Variants in ATP6V0A1 observed in about 807,000 individuals in gnomAD.
ATP6V0A1 encodes ATPase H+ transporting V0 subunit a1.
In ATP6V0A1, 43 loss-of-function variants were observed where a neutral mutation model predicts 105.4. The observed-to-expected ratio is 0.41, with a 90% CI of 0.32 to 0.53. The LOEUF (loss-of-function observed/expected upper bound fraction) is 0.53. Among genes scored for constraint, ATP6V0A1 ranks in the 20% least tolerant of loss-of-function variants. ATP6V0A1 has a pLI of 0.30. For missense variants in ATP6V0A1, 676 were observed against 1,051.1 expected, an observed-to-expected ratio of 0.64 and a Z score of 4.93; for synonymous variants, 362 against 372.8, an observed-to-expected ratio of 0.97 and a Z score of 0.33.
intron 2 of ATP6V0A1, among the ~76,000 whole-genome samples, chr17:42,465,094 T>C (rs894528721): frequency 6.6e-6 from 1 of 151,122 alleles, no homozygotes; most frequent in African/African-American, 2.4e-5. Flanking sequence ...CCAGGTTCAA[T>C]TGATTCTTGT....
At chr17:42,482,778 T>G (rs1280900107) in intron 8 of ATP6V0A1, among the ~76,000 whole-genome samples, 1 of 151,052 alleles carries the variant, frequency 6.6e-6, no homozygotes, top group Admixed American at 6.6e-5. Flanking sequence ...GCGCCTATAA[T>G]CCCAGGTACT....
At chr17:42,510,323 C>A (rs2092290719) in intron 19 of ATP6V0A1, 1 of 152,262 alleles carries the variant, frequency 6.6e-6, no homozygotes, top group Admixed American at 6.5e-5. Context: ...CCTTCAAAGA[C>A]CTCCCAAAGT....
chr17:42,520,168 A>G, intron 21 of ATP6V0A1: 1 of 328,380 alleles, frequency 3.0e-6, no homozygotes, highest in Non-Finnish European at 6.0e-6. Flanking sequence ...AGGGTCACAC[A>G]GCACCATGTG....
At chr17:42,479,330 A>G (rs1239332781) in intron 7 of ATP6V0A1, among the ~76,000 whole-genome samples, 2 of 152,246 alleles carry the variant, frequency 1.3e-5, no homozygotes, top group Admixed American at 6.5e-5. Context: ...AAGGATTAGA[A>G]ACTTAGTTTA....
chr17:42,512,971 T>C (rs2092422995), intron 19 of ATP6V0A1, among the ~76,000 whole-genome samples: 1 of 152,196 alleles, frequency 6.6e-6, no homozygotes, highest in Non-Finnish European at 1.5e-5. Flanking sequence ...GGAAAGTACC[T>C]GGGGCTTCCA....
intron 2 of ATP6V0A1, among the ~76,000 whole-genome samples, chr17:42,461,545 C>T (rs567913209): frequency 7.3e-4 from 111 of 152,132 alleles, no homozygotes; most frequent in Admixed American, 2.6e-3. Flanking sequence ...GAGGCTGAGG[C>T]GGGCGGATCG....
chr17:42,521,541 G>A lies in ATP6V0A1; in HGVS notation c.*421G>A, dbSNP rs1264689414. The A allele has an allele frequency of 6.5e-6, 1 of 154,252 alleles. No homozygotes were observed. The highest frequency in any genetic ancestry group is 6.5e-5 in the Admixed American group (1 of 15,336). 9.6% of individuals were successfully genotyped at this position (154,252 alleles called of 1,614,324 possible). A position where few individuals can be genotyped will look rare whatever the true frequency, so the allele number is the denominator to read the frequency against. On this transcript the variant is annotated 3_prime_UTR_variant, in exon 22 of 22. Coordinates refer to ENST00000343619, the MANE Select transcript of ATP6V0A1 (RefSeq NM_001130021.3). The surrounding 1 kb of genome is among the most constrained non-coding windows in gnomAD (Gnocchi z 4.8). ...CCGTAGTTTCTAGCAGGAGTAGTGG[G>A]GGGAGTAATACAGATTCTTCCCTAG...
At position 42,478,469 on chromosome 17, in the gene ATP6V0A1, G is replaced by A. The variant is rs1203664588; in HGVS notation, c.513G>A (p.Val171=). The A allele has an allele frequency of 6.2e-7, 1 of 1,603,222 alleles. No individual in the cohort carries two copies. Among genetic ancestry groups the A allele is most frequent in the African/African-American group, 1.3e-5 (1 of 74,592 alleles). The change falls in exon 7 of 22, where the codon GTG becomes GTA. Residue 171 remains valine (V), a synonymous_variant. Transcript: ENST00000343619. ...CTGCCTCTTCTCCCCACAGCTTCGT[G>A]GCTGGTGTCATTAACCGGGAGCGCA... The part of the protein sequence containing the change: ...GRGTPLRLGF[V]AGVINRERIP...
intron 19 of ATP6V0A1, among the ~76,000 whole-genome samples, chr17:42,512,496 AG>A (rs2092394405): frequency 6.6e-6 from 1 of 152,182 alleles, no homozygotes; most frequent in African/African-American, 2.4e-5. Flanking sequence ...GTTGGGATTT[AG>A]GGAACTCAGG....
At chr17:42,500,612 G>A (rs2091593402) in intron 15 of ATP6V0A1, 95 bp from the exon 16 acceptor site, 1 of 950,666 alleles carries the variant, frequency 1.1e-6, no homozygotes, top group East Asian at 2.4e-5. Flanking sequence ...GAATTGAGGG[G>A]GTATTAAGTA....
At position 42,514,464 on chromosome 17, in the gene ATP6V0A1, AG is replaced by A; in HGVS notation, c.2420+8del. 6.3e-7 allele frequency: 1 copy of A among 1,585,916 alleles called. No homozygotes were observed. Among genetic ancestry groups the A allele is most frequent in the Non-Finnish European group, 8.6e-7 (1 of 1,165,632 alleles). On this transcript the variant is annotated splice_donor_5th_base_variant and intron_variant, in intron 21 of 21. Coordinates refer to ENST00000343619, the MANE Select transcript of ATP6V0A1 (RefSeq NM_001130021.3). ...TCCACGCACTGCGCTTACACTGGTG[AG>A]GGGCAGTGGGGCAGGGCGGGCATGG...
intron 18 of ATP6V0A1, among the ~76,000 whole-genome samples, 195 bp from the exon 19 acceptor site, chr17:42,508,377 A>T (rs1415631009): frequency 6.6e-6 from 1 of 152,216 alleles, no homozygotes; most frequent in African/African-American, 2.4e-5. Flanking sequence ...GGATGCCTTT[A>T]AAAAATATGT....
chr17:42,466,307 G>C, intron 2 of ATP6V0A1, 122 bp from the exon 3 acceptor site: 1 of 726,206 alleles, frequency 1.4e-6, no homozygotes, highest in Non-Finnish European at 2.3e-6. Context: ...AGACAGTTTT[G>C]ATTAGTGTTG....
chr17:42,513,286 C>T (rs1359929422), intron 19 of ATP6V0A1, among the ~76,000 whole-genome samples: 1 of 152,072 alleles, frequency 6.6e-6, no homozygotes, highest in South Asian at 2.1e-4. Context: ...AAAAATTCAC[C>T]GTGTAATCTC....
At chr17:42,487,440 A>G in intron 10 of ATP6V0A1, 73 bp downstream of exon 10, 2 of 1,526,680 alleles carry the variant, frequency 1.3e-6, no homozygotes, top group Non-Finnish European at 1.8e-6. Flanking sequence ...CATTAATGTC[A>G]TTTTTGGCCG....
At chr17:42,494,818 C>T (rs999377169) in intron 12 of ATP6V0A1, 1 of 515,920 alleles carries the variant, frequency 1.9e-6, no homozygotes, top group East Asian at 3.1e-5. Context: ...GCCAAAACCG[C>T]AGTAACTTTT....
At chr17:42,506,840 C>T (rs981829500) in intron 17 of ATP6V0A1, among the ~76,000 whole-genome samples, 10 of 152,194 alleles carry the variant, frequency 6.6e-5, no homozygotes, top group Admixed American at 4.6e-4. Context: ...GCCCCATCAG[C>T]GTCTGCCCAC....
chr17:42,460,762 G>A (rs918611682), intron 1 of ATP6V0A1, 86 bp from the exon 2 acceptor site: 21 of 698,334 alleles, frequency 3.0e-5, no homozygotes, highest in Admixed American at 4.5e-5. Context: ...TGTTAGAAAT[G>A]TAAATGCAAG....
intron 9 of ATP6V0A1, among the ~76,000 whole-genome samples, chr17:42,485,284 G>C (rs551248107): frequency 6.6e-6 from 1 of 152,270 alleles, no homozygotes; most frequent in East Asian, 1.9e-4. Flanking sequence ...GTGAGTGATA[G>C]GCTATATTAG....
Sources: gnomAD v4.1 joint callset for allele counts (sites outside exome capture counted in the v4.1 genomes callset) on GRCh38, gnomAD v4.1.1 for gene constraint, Gnocchi (gnomAD v3.1) non-coding constraint, MANE v1.5 for transcripts, NCBI Gene and HGNC (gene_info 2026-07-23, HGNC 2026-07-21) for gene names.